The following NSD1 variants were observed in gnomAD, a reference collection of about 807,000 sequenced individuals.
NSD1 encodes the protein histone-lysine N-methyltransferase, H3 lysine-36 specific.
NSD1 carries 26 observed loss-of-function variants against 242.7 expected under a neutral mutation model. The ratio of observed to expected loss-of-function variants is 0.11; its 90% CI spans 0.08 to 0.15. The LOEUF is 0.15. Among genes scored for constraint, NSD1 ranks in the 10% least tolerant of loss-of-function variants. NSD1 has a pLI of 1.00. For missense variants in NSD1, 2,495 were observed against 3,272.8 expected (o/e 0.76, Z 5.80); for synonymous variants, 1,106 against 1,178.1 (o/e 0.94, Z 1.25).
chr5:177,252,796 C>CTTTTTTTTTTTTTTT (rs149731842), intron 12 of NSD1, among the ~76,000 whole-genome samples: 1 of 132,528 alleles, frequency 7.5e-6, no homozygotes, highest in African/African-American at 2.8e-5. Flanking sequence ...TCTCTCTCTC[C>CTTTTTTTTTTTTTTT]CTTTTTTTTT....
At chr5:177,145,704 TCCAA>T (rs1757182176) in intron 2 of NSD1, among the ~76,000 whole-genome samples, 1 of 151,164 alleles carries the variant, frequency 6.6e-6, no homozygotes, top group Non-Finnish European at 1.5e-5. Flanking sequence ...AGGTTGGGAG[TCCAA>T]GACCAGCCTG....
chr5:177,144,255 A>T (rs1259750939), intron 2 of NSD1, among the ~76,000 whole-genome samples: 1 of 151,066 alleles, frequency 6.6e-6, no homozygotes, highest in Admixed American at 6.6e-5. Context: ...AGGGTCTTGT[A>T]CTGTTTCCCA....
chr5:177,189,114 A>G (rs1761475458), intron 2 of NSD1, among the ~76,000 whole-genome samples: 1 of 152,242 alleles, frequency 6.6e-6, no homozygotes, highest in South Asian at 2.1e-4. Flanking sequence ...TAGGAATTAT[A>G]GGAAATTACT....
At chr5:177,264,805 A>G (rs372225451) in intron 14 of NSD1, 2 of 751,210 alleles carry the variant, frequency 2.7e-6, no homozygotes, top group African/African-American at 3.4e-5. Context: ...CACCCAGTAC[A>G]TGTTCTGTAG....
intron 2 of NSD1, among the ~76,000 whole-genome samples, chr5:177,145,908 C>A (rs1398453440): frequency 4.7e-4 from 56 of 119,730 alleles, no homozygotes; most frequent in Admixed American, 5.4e-4. Flanking sequence ...AACTCCATCT[C>A]AAAAAAAAAA....
chr5:177,233,947 T>G (rs1340761439), intron 5 of NSD1, among the ~76,000 whole-genome samples: 1 of 152,134 alleles, frequency 6.6e-6, no homozygotes, highest in Admixed American at 6.6e-5. Context: ...TGAATAGATG[T>G]ATGGGTGTGA....
At chr5:177,158,132 C>A (rs573084574) in intron 2 of NSD1, among the ~76,000 whole-genome samples, 3 of 152,170 alleles carry the variant, frequency 2.0e-5, no homozygotes, top group Admixed American at 1.3e-4. Context: ...GTGGTATTGT[C>A]GGATCATAGG....
intron 17 of NSD1, among the ~76,000 whole-genome samples, chr5:177,278,387 G>A (rs1758571913): frequency 6.6e-6 from 1 of 152,186 alleles, no homozygotes; most frequent in Non-Finnish European, 1.5e-5. Context: ...TGGGATTACA[G>A]ATGTGAGCCA....
At chr5:177,223,195 T>A (rs1262683834) in intron 5 of NSD1, among the ~76,000 whole-genome samples, 1 of 151,734 alleles carries the variant, frequency 6.6e-6, no homozygotes, top group Non-Finnish European at 1.5e-5. Context: ...AGTTCTCATG[T>A]CTCAGCCTCC....
intron 2 of NSD1, among the ~76,000 whole-genome samples, chr5:177,158,896 C>A (rs1054366253): frequency 6.9e-6 from 1 of 145,548 alleles, no homozygotes; most frequent in African/African-American, 2.6e-5. Context: ...ATCTTTAATA[C>A]CTTTGGAAAG....
intron 2 of NSD1, among the ~76,000 whole-genome samples, chr5:177,160,307 CTTTTGTT>C (rs749839078): frequency 3.5e-4 from 53 of 150,828 alleles, no homozygotes; most frequent in Non-Finnish European, 6.4e-4. Context: ...TTTTTCTTTT[CTTTTGTT>C]TTTTGTTTTT....
In NSD1 at chr5:177,239,746, T is replaced by C. The variant is rs774927461; in HGVS notation, c.4193-10T>C. ...CTAAATCATCTAATGTAAAGATACA[T>C]GCATTTCAGGAAATTATGAAAGTAA... On this transcript the variant is annotated splice_polypyrimidine_tract_variant and intron_variant, in intron 7 of 22. Coordinates refer to ENST00000439151, the MANE Select transcript of NSD1 (RefSeq NM_022455.5). The C allele has an allele frequency of 6.0e-6, 9 of 1,499,140 alleles. No individual in the cohort carries two copies. The highest frequency in any genetic ancestry group is 7.4e-6 in the Non-Finnish European group (8 of 1,076,148). The allele number at this position is 1,499,140 out of a possible 1,614,324, so 92.9% of individuals were successfully genotyped here.
intron 17 of NSD1, among the ~76,000 whole-genome samples, chr5:177,274,462 A>G (rs1268730512): frequency 6.6e-6 from 1 of 152,214 alleles, no homozygotes; most frequent in Non-Finnish European, 1.5e-5. Flanking sequence ...GCAAACCTCA[A>G]TTACTTTTGC....
intron 14 of NSD1, among the ~76,000 whole-genome samples, chr5:177,260,562 G>A (rs1021271131): frequency 2.6e-5 from 4 of 151,862 alleles, no homozygotes; most frequent in African/African-American, 9.7e-5. Flanking sequence ...TGGCCAGGCT[G>A]GTCTCAAACT....
chr5:177,235,151 T>C (rs1305757739), intron 5 of NSD1, among the ~76,000 whole-genome samples: 1 of 152,236 alleles, frequency 6.6e-6, no homozygotes, highest in Non-Finnish European at 1.5e-5. Context: ...ACAGGAATGA[T>C]GGTAATGCCA....
At chr5:177,209,556 A>T (rs1763169098) in intron 4 of NSD1, 80 bp from the exon 5 acceptor site, 1 of 1,105,536 alleles carries the variant, frequency 9.0e-7, no homozygotes, top group African/African-American at 1.6e-5. Flanking sequence ...GAATAAAAAA[A>T]AAAGCTTCTG....
At chr5:177,154,995 AAT>A (rs1758008451) in intron 2 of NSD1, among the ~76,000 whole-genome samples, 1 of 127,202 alleles carries the variant, frequency 7.9e-6, no homozygotes, top group Non-Finnish European at 1.7e-5. Flanking sequence ...CGTGCCCGGC[AAT>A]TTTTTTTTTT....
At position 177,277,677 on chromosome 5, in the gene NSD1, G is replaced by A. The variant is rs919603249; in HGVS notation, c.5623-2888G>A. Among the ~76,000 whole-genome samples, 17 of 151,960 alleles carry A rather than the reference G, an allele frequency of 1.1e-4. No individual in the cohort carries two copies. In the East Asian group the frequency reaches 2.7e-3, roughly 24 times the overall value. The stretch of plus-strand genomic sequence containing the variant: ...TTAAAACATATATTTTCCAGCCTGG[G>A]CAACATAGCAAAACCCAGTCTCTAC... On this transcript the variant is annotated intron_variant, in intron 17 of 22. Transcript: ENST00000439151.
At chr5:177,154,469 A>G (rs551270775) in intron 2 of NSD1, among the ~76,000 whole-genome samples, 3 of 152,192 alleles carry the variant, frequency 2.0e-5, no homozygotes, top group African/African-American at 7.2e-5. Context: ...TTTCAGATTG[A>G]AGTTTTGAAT....
Sources: gnomAD v4.1 joint callset for allele counts (sites outside exome capture counted in the v4.1 genomes callset) on GRCh38, gnomAD v4.1.1 for gene constraint, MANE v1.5 for transcripts, NCBI Gene and HGNC (gene_info 2026-07-23, HGNC 2026-07-21) for gene names.